Variants in EMG1 observed in about 807,000 individuals in gnomAD.
EMG1 encodes ribosomal RNA small subunit methyltransferase NEP1.
EMG1 carries 24 observed loss-of-function variants against 26.9 expected under a neutral mutation model. That is an observed-to-expected ratio of 0.89 (90% CI 0.65 to 1.26). The LOEUF is 1.26. Among genes scored for constraint, EMG1 ranks in the 50% most tolerant of loss-of-function variants. The probability of loss-of-function intolerance (pLI) is 0.00; values close to 1 mark genes in which losing one functional copy is unlikely to be tolerated. For missense variants in EMG1, 299 were observed against 307.6 expected (o/e 0.97, Z 0.21); for synonymous variants, 140 against 112.6 (o/e 1.24, Z -1.54).
chr12:6,982,968 T>G (rs1555154331), downstream of EMG1: 1 of 668,506 alleles, frequency 1.5e-6, no homozygotes, highest in Admixed American at 2.2e-5. Flanking sequence ...AGGGTGTTAT[T>G]TTATTTCTTT....
intron 6 of EMG1, among the ~76,000 whole-genome samples, chr12:6,986,884 C>T (rs782793627): frequency 4.7e-5 from 7 of 150,092 alleles, no homozygotes; most frequent in Admixed American, 3.3e-4. Flanking sequence ...GAGGCTTAGG[C>T]GGGTGGGTCG....
chr12:6,986,638 C>T (rs1565599980), intron 6 of EMG1, among the ~76,000 whole-genome samples: 1 of 151,664 alleles, frequency 6.6e-6, no homozygotes, highest in African/African-American at 2.4e-5. Flanking sequence ...AAAAAATTAG[C>T]TGGGCATGGT....
At chr12:6,975,006 A>G (rs1174158325) in intron 3 of EMG1, 84 bp from the exon 4 acceptor site, 13 of 1,358,662 alleles carry the variant, frequency 9.6e-6, no homozygotes, top group Non-Finnish European at 1.4e-5. Context: ...AACTCATCTT[A>G]TCCATGGGGT....
At chr12:6,986,795 CAAAAAAAA>C (rs1157395768) in intron 6 of EMG1, among the ~76,000 whole-genome samples, 24 of 33,926 alleles carry the variant, frequency 7.1e-4, no homozygotes, top group African/African-American at 2.4e-3. Flanking sequence ...GACTCTGTCT[CAAAAAAAA>C]AAAAAAAAAA....
chr12:6,982,209 G>C (rs965192662), downstream of EMG1, among the ~76,000 whole-genome samples: 1 of 152,038 alleles, frequency 6.6e-6, no homozygotes, highest in Non-Finnish European at 1.5e-5. Flanking sequence ...GCTAATTTTT[G>C]TATTTTTTTT....
At chr12:6,986,757 A>ACTG (rs1946530112) in intron 6 of EMG1, among the ~76,000 whole-genome samples, 1 of 142,384 alleles carries the variant, frequency 7.0e-6, no homozygotes, top group African/African-American at 2.7e-5. Flanking sequence ...AGAGAGAGCC[A>ACTG]CTGCACTCCA....
downstream of EMG1, chr12:6,982,622 G>C: frequency 7.4e-7 from 1 of 1,353,448 alleles, no homozygotes; most frequent in Non-Finnish European, 1.1e-6. Flanking sequence ...GCCTACCCCT[G>C]TCCCCTGAAC....
rs782113216 is a variant in EMG1 at position 6,978,512 on chromosome 12, G to A, written c.*2703G>A. 5 of 1,612,288 alleles carry A rather than the reference G, an allele frequency of 3.1e-6. No individual in the cohort carries two copies. The highest frequency in any genetic ancestry group is 3.4e-6 in the Non-Finnish European group (4 of 1,178,584). ...CGTCAAAATGCATACTCCTTCCTGAGAGGGAATAGCTCAGTTAGGGCTCTT... is the reference window on the plus strand; with the variant it reads ...CGTCAAAATGCATACTCCTTCCTGAAAGGGAATAGCTCAGTTAGGGCTCTT... On this transcript the variant is annotated 3_prime_UTR_variant, in exon 6 of 6. Transcript: ENST00000599672.
chr12:6,993,268 T>C (rs992515194), intron 7 of EMG1, among the ~76,000 whole-genome samples: 18 of 151,978 alleles, frequency 1.2e-4, no homozygotes, highest in South Asian at 2.1e-4. Flanking sequence ...TGAAACCCTG[T>C]CTCTACTAAC....
At chr12:6,983,018 G>A (rs1158893219), downstream of EMG1, 1 of 595,000 alleles carries the variant, frequency 1.7e-6, no homozygotes, top group Non-Finnish European at 3.1e-6. Context: ...GACTTGCTCT[G>A]TTGTCCAGAC....
At position 6,975,344 on chromosome 12, in the gene EMG1, T is replaced by C; in HGVS notation, c.587T>C (p.Ile196Thr). 13 of 1,606,388 alleles carry C rather than the reference T, an allele frequency of 8.1e-6. No individual in the cohort carries two copies. Among genetic ancestry groups the C allele is most frequent in the Non-Finnish European group, 1.1e-5 (13 of 1,175,972 alleles). The change falls in exon 5 of 6, where the codon ATT becomes ACT. Residue 196 changes from isoleucine (I) to threonine (T), a missense_variant. Ile to Thr is a moderately conservative substitution (Grantham distance 89). Coordinates refer to ENST00000599672, the MANE Select transcript of EMG1 (RefSeq NM_006331.8). ...GAGCTGGTGCCCAGCAGTGATCCTA[T>C]TGTTTTTGTGGTAGGGGCCTTTGCC... ...VRELVPSSDP[I>T]VFVVGAFAHG... is the part of the protein sequence containing the mutation.
chr12:6,988,413 A>G (rs1555155041), downstream of EMG1: 1 of 152,160 alleles, frequency 6.6e-6, no homozygotes. Context: ...GTATGTAAAC[A>G]CCAAACCTTG....
intron 3 of EMG1, 126 bp downstream of exon 3, chr12:6,974,819 G>A (rs1946373867): frequency 9.8e-7 from 1 of 1,021,504 alleles, no homozygotes; most frequent in South Asian, 1.4e-5. Flanking sequence ...TTAATACCAG[G>A]ACAAGGACTG....
downstream of EMG1, among the ~76,000 whole-genome samples, chr12:6,982,380 C>T (rs775359144): frequency 1.3e-3 from 196 of 152,158 alleles, no homozygotes; most frequent in Non-Finnish European, 2.4e-3. Context: ...GCTTTTCTGT[C>T]TTGCCTTGAA....
Position 6,971,022 on chromosome 12 carries a change from G to A in EMG1, c.99G>A (p.Gly33=), listed in dbSNP as rs1946317748. 6.2e-7 allele frequency: 1 copy of A among 1,612,034 alleles called. No homozygotes were observed. Among genetic ancestry groups the A allele is most frequent in the Non-Finnish European group, 8.5e-7 (1 of 1,179,026 alleles). ...DALPPKRPRL[G]AGNKIGGRRL... ...TGCCACCCAAGCGGCCCCGACTAGG[G>A]GCAGGAAACAAGATCGGAGGCCGTA... Residue 33 remains glycine (G), a synonymous_variant, in exon 1 of 6, where the codon GGG becomes GGA. Transcript: ENST00000599672.
Position 6,978,024 on chromosome 12 carries a change from C to G in EMG1, c.*2215C>G. 4 of 562,272 alleles carry G rather than the reference C, an allele frequency of 7.1e-6. No individual in the cohort carries two copies. The highest frequency in any genetic ancestry group is 1.3e-5 in the Non-Finnish European group (4 of 315,362). The allele number at this position is 562,272 out of a possible 1,614,324, so 34.8% of individuals were successfully genotyped here. ...TGGTGAACCAGACACTCTACTCAAG[C>G]TGCCCACACTCTAGTGGTGGGGACA... On this transcript the variant is annotated 3_prime_UTR_variant, in exon 6 of 6. Transcript: ENST00000599672.
downstream of EMG1, chr12:6,981,779 T>C (rs1349362098): frequency 2.6e-6 from 4 of 1,562,776 alleles, no homozygotes; most frequent in African/African-American, 2.7e-5. Context: ...GGGACCTACA[T>C]GTAAGGAAGG....
chr12:6,982,004 T>C, downstream of EMG1: 1 of 702,776 alleles, frequency 1.4e-6, no homozygotes, highest in Non-Finnish European at 2.5e-6. Context: ...CCTCATCCCA[T>C]CATTAAAAGC....
Position 6,987,843 on chromosome 12 carries a change from G to A in EMG1, c.*211+5G>A, listed in dbSNP as rs1946543532. The A allele has an allele frequency of 5.0e-6, 2 of 400,590 alleles. No homozygotes were observed. The highest frequency in any genetic ancestry group is 8.8e-6 in the Non-Finnish European group (2 of 226,222). 24.8% of individuals were successfully genotyped at this position (400,590 alleles called of 1,614,324 possible). ...ATGGCTTTATGACGTTCTGAGGTAT[G>A]TGAAATTGTCTGCCTGACTCTAACA... On this transcript the variant is annotated splice_donor_5th_base_variant and intron_variant and NMD_transcript_variant, in intron 7 of 7. Coordinates refer to the EMG1 transcript ENST00000261406. This position sits in a 1 kb window ranked among gnomAD's most constrained non-coding sequence, Gnocchi z 4.1.
Sources: allele counts gnomAD v4.1 joint callset (sites outside exome capture counted in the v4.1 genomes callset), GRCh38; gene constraint gnomAD v4.1.1; non-coding constraint Gnocchi (gnomAD v3.1); transcripts MANE v1.5; gene names NCBI Gene and HGNC (gene_info 2026-07-23, HGNC 2026-07-21).